ARHGAP25: variants seen among roughly 807,000 people sequenced by gnomAD.
ARHGAP25 encodes the protein rho GTPase-activating protein 25.
A neutral mutation model predicts 71.0 loss-of-function variants in ARHGAP25; 34 were observed. The ratio of observed to expected loss-of-function variants is 0.48; its 90% CI spans 0.36 to 0.64. The LOEUF (loss-of-function observed/expected upper bound fraction) is 0.64. Ranked by LOEUF, ARHGAP25 falls within the 30% of genes least tolerant of loss-of-function variation. The probability of loss-of-function intolerance (pLI) is 0.00; values close to 1 mark genes in which losing one functional copy is unlikely to be tolerated. For synonymous variants in ARHGAP25, 282 were observed against 296.5 expected, an observed-to-expected ratio of 0.95 and a Z score of 0.50; for missense variants, 706 against 805.1, an observed-to-expected ratio of 0.88 and a Z score of 1.49.
intron 1 of ARHGAP25, among the ~76,000 whole-genome samples, chr2:68,746,739 G>GC (rs1429280646): frequency 6.6e-6 from 1 of 151,956 alleles, no homozygotes; most frequent in Admixed American, 6.6e-5. Flanking sequence ...GGGCGCGGTG[G>GC]CTCACGCTTG....
At chr2:68,816,916 C>T (rs1681271559) in intron 7 of ARHGAP25, 1 of 152,612 alleles carries the variant, frequency 6.6e-6, no homozygotes, top group Admixed American at 6.5e-5. Flanking sequence ...GACTTGGAAA[C>T]CAGGAAGATA....
intron 2 of ARHGAP25, among the ~76,000 whole-genome samples, chr2:68,729,048 A>C (rs1164227632): frequency 3.3e-5 from 5 of 152,252 alleles, no homozygotes; most frequent in African/African-American, 1.2e-4. Context: ...TCCAGAACAG[A>C]CACCTTTGTC....
chr2:68,814,297 A>G (rs1173320130), intron 6 of ARHGAP25, among the ~76,000 whole-genome samples: 2 of 152,240 alleles, frequency 1.3e-5, no homozygotes, highest in Non-Finnish European at 2.9e-5. Flanking sequence ...TTTCTATGGT[A>G]ATGGAACTTT....
At chr2:68,784,205 C>T (rs186674110) in intron 3 of ARHGAP25, among the ~76,000 whole-genome samples, 20 of 152,178 alleles carry the variant, frequency 1.3e-4, no homozygotes, top group Non-Finnish European at 1.9e-4. Context: ...CACACACACA[C>T]ACACCACATC....
intron 1 of ARHGAP25, among the ~76,000 whole-genome samples, chr2:68,742,533 T>C (rs1004623101): frequency 6.6e-6 from 1 of 152,212 alleles, no homozygotes; most frequent in Non-Finnish European, 1.5e-5. Context: ...ATGCAGTTAT[T>C]GTGAGGGTAA....
intron 1 of ARHGAP25, among the ~76,000 whole-genome samples, chr2:68,773,333 A>G (rs1677613145): frequency 6.6e-6 from 1 of 152,240 alleles, no homozygotes; most frequent in Non-Finnish European, 1.5e-5. Flanking sequence ...AATCAGAAAG[A>G]ATGAAATTCT....
intron 2 of ARHGAP25, among the ~76,000 whole-genome samples, chr2:68,716,675 T>G (rs1261172815): frequency 6.6e-6 from 1 of 152,228 alleles, no homozygotes; most frequent in Non-Finnish European, 1.5e-5. Context: ...CATCGTTTTA[T>G]TCAAACCTTC....
chr2:68,770,124 C>T (rs1026045889), intron 1 of ARHGAP25, among the ~76,000 whole-genome samples: 1 of 151,972 alleles, frequency 6.6e-6, no homozygotes, highest in African/African-American at 2.4e-5. Context: ...GAGAGACCAG[C>T]GGAGGTAAAG....
chr2:68,721,423 T>C (rs1674758204), intron 2 of ARHGAP25, among the ~76,000 whole-genome samples: 1 of 152,226 alleles, frequency 6.6e-6, no homozygotes, highest in South Asian at 2.1e-4. Flanking sequence ...AAGGGATGAC[T>C]TAATCTCTGC....
intron 4 of ARHGAP25, among the ~76,000 whole-genome samples, chr2:68,800,630 T>G (rs530003742): frequency 6.6e-6 from 1 of 152,256 alleles, no homozygotes; most frequent in African/African-American, 2.4e-5. Flanking sequence ...TCCATTAGCT[T>G]TAAACTCTAA....
At chr2:68,727,708 C>T (rs1573382524) in intron 2 of ARHGAP25, among the ~76,000 whole-genome samples, 1 of 152,222 alleles carries the variant, frequency 6.6e-6, no homozygotes, top group Non-Finnish European at 1.5e-5. Context: ...GATGCTCATC[C>T]GTGAGGCAGC....
At chr2:68,712,794 G>A (rs540316420) in intron 2 of ARHGAP25, among the ~76,000 whole-genome samples, 1 of 152,240 alleles carries the variant, frequency 6.6e-6, no homozygotes, top group Admixed American at 6.5e-5. Flanking sequence ...GTTTTTGTCA[G>A]GTTTGTCAAA....
At chr2:68,743,019 G>C (rs2104295259) in intron 1 of ARHGAP25, among the ~76,000 whole-genome samples, 1 of 152,340 alleles carries the variant, frequency 6.6e-6, no homozygotes, top group East Asian at 1.9e-4. Flanking sequence ...TAAAATGCCT[G>C]AGTTGTGACT....
chr2:68,738,712 T>C (rs1320405352), intron 1 of ARHGAP25, among the ~76,000 whole-genome samples: 1 of 151,824 alleles, frequency 6.6e-6, no homozygotes, highest in East Asian at 1.9e-4. Context: ...TCCCAGCTAC[T>C]TGGGAGGCTG....
At chr2:68,763,304 T>A (rs1337787306) in intron 1 of ARHGAP25, among the ~76,000 whole-genome samples, 1 of 152,264 alleles carries the variant, frequency 6.6e-6, no homozygotes, top group Non-Finnish European at 1.5e-5. Flanking sequence ...AGTATTCTGC[T>A]GTGTCATTTT....
At chr2:68,779,292 G>C (rs1678145721) in intron 2 of ARHGAP25, among the ~76,000 whole-genome samples, 1 of 152,178 alleles carries the variant, frequency 6.6e-6, no homozygotes, top group Non-Finnish European at 1.5e-5. Flanking sequence ...TCAGAGTTGA[G>C]AAGAGACATG....
At chr2:68,792,926 C>T (rs1307185877) in intron 4 of ARHGAP25, among the ~76,000 whole-genome samples, 2 of 152,094 alleles carry the variant, frequency 1.3e-5, no homozygotes, top group African/African-American at 4.8e-5. Context: ...TGCATCTTGA[C>T]CGACATCTGT....
intron 1 of ARHGAP25, among the ~76,000 whole-genome samples, chr2:68,772,510 A>T (rs1278806771): frequency 6.6e-6 from 1 of 152,374 alleles, no homozygotes; most frequent in East Asian, 1.9e-4. Context: ...ATGCCTCTGC[A>T]TCTGCTGGAA....
At chr2:68,807,906 T>G (rs1036035194) in intron 5 of ARHGAP25, among the ~76,000 whole-genome samples, 2 of 152,202 alleles carry the variant, frequency 1.3e-5, no homozygotes, top group Admixed American at 6.5e-5. Flanking sequence ...GCGGCTTTCG[T>G]TAGCATTCCA....
Sources: allele counts gnomAD v4.1 joint callset (sites outside exome capture counted in the v4.1 genomes callset), GRCh38; gene constraint gnomAD v4.1.1; transcripts MANE v1.5; gene names NCBI Gene and HGNC (gene_info 2026-07-23, HGNC 2026-07-21).